The following CR1 variants were observed in gnomAD, a reference collection of about 807,000 sequenced individuals.
The protein encoded by CR1 is complement receptor type 1.
In CR1, 116 loss-of-function variants were observed where a neutral mutation model predicts 187.3. The observed-to-expected ratio is 0.62, with a 90% CI of 0.53 to 0.72. The LOEUF is 0.72. Among genes scored for constraint, CR1 ranks in the 30% least tolerant of loss-of-function variants. The pLI is 0.00. For missense variants in CR1, 1,731 were observed against 2,110.7 expected (o/e 0.82, Z 3.52); for synonymous variants, 576 against 747.1 (o/e 0.77, Z 3.73).
chr1:207,612,669 G>T (rs1661969033), intron 39 of CR1, among the ~76,000 whole-genome samples: 1 of 152,230 alleles, frequency 6.6e-6, no homozygotes, highest in South Asian at 2.1e-4. Flanking sequence ...CGTCTGGCTG[G>T]TGCTCTGACT....
At chr1:207,629,147 C>G (rs1203717898) in intron 45 of CR1, among the ~76,000 whole-genome samples, 2 of 152,160 alleles carry the variant, frequency 1.3e-5, no homozygotes, top group African/African-American at 4.8e-5. Context: ...ATTCAGAGCC[C>G]ATTATTGCCT....
intron 45 of CR1, among the ~76,000 whole-genome samples, 172 bp downstream of exon 45, chr1:207,623,240 G>A (rs1459887826): frequency 6.6e-6 from 1 of 151,364 alleles, no homozygotes; most frequent in Non-Finnish European, 1.5e-5. Flanking sequence ...ACTAAAGGAA[G>A]TATATAGGAT....
chr1:207,605,824 A>T (rs1182623861), intron 35 of CR1: 2 of 152,186 alleles, frequency 1.3e-5, no homozygotes, highest in African/African-American at 4.8e-5. Context: ...ACCATAGCCT[A>T]AACAGGCTAG....
At chr1:207,519,879 T>G (rs1659921716) in intron 4 of CR1, among the ~76,000 whole-genome samples, 1 of 152,092 alleles carries the variant, frequency 6.6e-6, no homozygotes, top group Non-Finnish European at 1.5e-5. Context: ...TTGGCCACAT[T>G]TGATTGGCCA....
At chr1:207,631,786 T>C (rs1662653179) in intron 46 of CR1, among the ~76,000 whole-genome samples, 1 of 152,182 alleles carries the variant, frequency 6.6e-6, no homozygotes, top group Non-Finnish European at 1.5e-5. Context: ...GTTTGGAACA[T>C]TTTCAGGAAT....
chr1:207,626,075 T>G (rs1321966607), intron 45 of CR1, among the ~76,000 whole-genome samples: 1 of 152,154 alleles, frequency 6.6e-6, no homozygotes, highest in African/African-American at 2.4e-5. Flanking sequence ...CAAAGTTACA[T>G]TATAAACTAA....
At position 207,639,358 on chromosome 1, in the gene CR1, C is replaced by T. The variant is rs760653493; in HGVS notation, c.7458-39C>T. 6.3e-6 allele frequency: 10 copies of T among 1,581,368 alleles called. No homozygotes were observed. The East Asian group carries it at 2.3e-4, about 36-fold the overall frequency. ...AAATTCTGGGTAGTTCAGTTGTCTA[C>T]CATGCTGTTAATTAAATGAAAACAT... is the stretch of plus-strand genomic sequence containing the variant. On this transcript the variant is annotated intron_variant, in intron 46 of 46. Coordinates refer to ENST00000367049, the MANE Select transcript of CR1 (RefSeq NM_000651.6).
Position 207,639,580 on chromosome 1 carries a change from C to T in CR1, c.*171C>T. ...CCCTTCCCTGGTACCTAGCAAAGCT[C>T]CTGCCTCTTTGTGTGCGTCACTGTG... is the stretch of plus-strand genomic sequence containing the variant. On this transcript the variant is annotated 3_prime_UTR_variant, in exon 47 of 47. Transcript: ENST00000367049. The T allele has an allele frequency of 1.6e-6, 1 of 616,980 alleles. No homozygotes were observed. The highest frequency in any genetic ancestry group is 1.8e-5 in the African/African-American group (1 of 54,450). The allele number at this position is 616,980 out of a possible 1,614,324, so 38.2% of individuals were successfully genotyped here.
At chr1:207,511,759 C>T (rs1366120449) in intron 4 of CR1, 105 bp downstream of exon 4, 1 of 1,128,914 alleles carries the variant, frequency 8.9e-7, no homozygotes, top group Non-Finnish European at 1.3e-6. Context: ...CTGTCCTTCA[C>T]ACGGCTGAAG....
chr1:207,504,975 G>A (rs1026955808), intron 1 of CR1, among the ~76,000 whole-genome samples: 6 of 152,140 alleles, frequency 3.9e-5, no homozygotes, highest in Non-Finnish European at 8.8e-5. Context: ...TGTGAACTGT[G>A]CATATGAGGG....
chr1:207,630,943 G>A (rs1662626654), intron 46 of CR1, among the ~76,000 whole-genome samples: 3 of 152,142 alleles, frequency 2.0e-5, no homozygotes, highest in African/African-American at 7.2e-5. Flanking sequence ...CTGCCTGCTT[G>A]TACCTCCAAG....
chr1:207,578,588 A>G (rs1660840887), intron 29 of CR1, among the ~76,000 whole-genome samples: 1 of 152,216 alleles, frequency 6.6e-6, no homozygotes, highest in South Asian at 2.1e-4. Context: ...AAATTGTGCT[A>G]TTGTATTATC....
chr1:207,513,261 C>G (rs1227189373), intron 4 of CR1, among the ~76,000 whole-genome samples: 1 of 152,194 alleles, frequency 6.6e-6, no homozygotes, highest in African/African-American at 2.4e-5. Flanking sequence ...TTACAAGAAC[C>G]CCCATTGTCT....
At chr1:207,592,038 C>T (rs1213149380) in intron 35 of CR1, among the ~76,000 whole-genome samples, 1 of 152,170 alleles carries the variant, frequency 6.6e-6, no homozygotes, top group Non-Finnish European at 1.5e-5. Context: ...TGGTACCATT[C>T]CTTCTAAACT....
chr1:207,632,495 A>G (rs1662673827), intron 46 of CR1, among the ~76,000 whole-genome samples: 1 of 152,248 alleles, frequency 6.6e-6, no homozygotes, highest in African/African-American at 2.4e-5. Flanking sequence ...GAAGTTTAAG[A>G]TAAAATAAGA....
intron 1 of CR1, among the ~76,000 whole-genome samples, chr1:207,499,892 CCTA>C (rs1170233737): frequency 6.6e-6 from 1 of 152,098 alleles, no homozygotes; most frequent in Admixed American, 6.6e-5. Context: ...TCAAAAGTGT[CCTA>C]CACAGAAATG....
intron 46 of CR1, among the ~76,000 whole-genome samples, chr1:207,634,394 T>C (rs1201572095): frequency 1.3e-5 from 2 of 152,210 alleles, no homozygotes; most frequent in African/African-American, 4.8e-5. Flanking sequence ...GTGAATCATC[T>C]GTGGCAAAAT....
intron 4 of CR1, among the ~76,000 whole-genome samples, chr1:207,513,318 T>C (rs1659680245): frequency 6.6e-6 from 1 of 152,208 alleles, no homozygotes; most frequent in Non-Finnish European, 1.5e-5. Flanking sequence ...CTGAGGTCCT[T>C]TGGTCCCCAA....
intron 5 of CR1, among the ~76,000 whole-genome samples, chr1:207,526,371 A>T (rs1236072731): frequency 6.6e-6 from 1 of 151,684 alleles, no homozygotes; most frequent in Non-Finnish European, 1.5e-5. Context: ...AAAATGCAAG[A>T]CTAAATTGGT....
Sources: allele counts gnomAD v4.1 joint callset (sites outside exome capture counted in the v4.1 genomes callset), GRCh38; gene constraint gnomAD v4.1.1; transcripts MANE v1.5; gene names NCBI Gene and HGNC (gene_info 2026-07-23, HGNC 2026-07-21).